Variants in NEDD4L observed in about 807,000 individuals in gnomAD.
The protein encoded by NEDD4L is E3 ubiquitin-protein ligase NEDD4-like.
A neutral mutation model predicts 148.9 loss-of-function variants in NEDD4L; 54 were observed. The ratio of observed to expected loss-of-function variants is 0.36; its 90% CI spans 0.29 to 0.45. The LOEUF (loss-of-function observed/expected upper bound fraction) is 0.45. Among genes scored for constraint, NEDD4L ranks in the 20% least tolerant of loss-of-function variants. NEDD4L has a pLI of 1.00. For missense variants in NEDD4L, 856 were observed against 1,233.8 expected, an observed-to-expected ratio of 0.69 and a Z score of 4.59; for synonymous variants, 433 against 440.7, an observed-to-expected ratio of 0.98 and a Z score of 0.22.
At chr18:58,148,175 T>TG (rs2034307247) in intron 1 of NEDD4L, among the ~76,000 whole-genome samples, 1 of 152,064 alleles carries the variant, frequency 6.6e-6, no homozygotes, top group African/African-American at 2.4e-5. Context: ...TTTTTTTTTT[T>TG]TTCTTTTTGA....
rs544812760 is a variant in NEDD4L at position 58,098,965 on chromosome 18, G to T, written c.48+54257G>T. 4.6e-5 allele frequency among the ~76,000 whole-genome samples: 7 copies of T among 152,296 alleles called. No homozygotes were observed. The East Asian group carries it at 1.3e-3, about 29-fold the overall frequency. ...AGCAGATGTTCTCAGTGAGCACCAG[G>T]TCACTATTATTATGTTACTTGTCAT... On this transcript the variant is annotated intron_variant, in intron 1 of 30. Coordinates refer to ENST00000400345, the MANE Select transcript of NEDD4L (RefSeq NM_001144967.3).
chr18:58,382,717 C>T (rs1050305240), intron 24 of NEDD4L, among the ~76,000 whole-genome samples: 3 of 152,110 alleles, frequency 2.0e-5, no homozygotes, highest in Non-Finnish European at 2.9e-5. Flanking sequence ...GAGGAGAAGG[C>T]GTCCAATGCA....
intron 3 of NEDD4L, among the ~76,000 whole-genome samples, chr18:58,246,385 G>T (rs751856132): frequency 2.6e-5 from 4 of 152,062 alleles, no homozygotes; most frequent in Admixed American, 6.6e-5. Flanking sequence ...AGCTATACAT[G>T]TATGTATATA....
At chr18:58,377,939 T>G (rs1280360876) in intron 24 of NEDD4L, among the ~76,000 whole-genome samples, 1 of 152,148 alleles carries the variant, frequency 6.6e-6, no homozygotes, top group Non-Finnish European at 1.5e-5. Context: ...GAGACAGGAC[T>G]TCATCATATT....
chr18:58,315,956 C>CT (rs749840819), intron 5 of NEDD4L, 26 bp from the exon 6 acceptor site: 3 of 1,599,182 alleles, frequency 1.9e-6, no homozygotes, highest in Non-Finnish European at 2.6e-6. Context: ...AATGGAAACA[C>CT]TAACTCTTTG....
At chr18:58,276,638 A>C (rs528218996) in intron 5 of NEDD4L, among the ~76,000 whole-genome samples, 38 of 151,496 alleles carry the variant, frequency 2.5e-4, no homozygotes, top group Admixed American at 4.6e-4. Flanking sequence ...TAACTTTAAG[A>C]TCTTTGTAAA....
At chr18:58,301,449 G>A (rs576099895) in intron 5 of NEDD4L, among the ~76,000 whole-genome samples, 1 of 152,256 alleles carries the variant, frequency 6.6e-6, no homozygotes, top group East Asian at 1.9e-4. Context: ...CACTCTCTCT[G>A]GTTTTCTTTC....
intron 24 of NEDD4L, among the ~76,000 whole-genome samples, 154 bp from the exon 25 acceptor site, chr18:58,383,092 C>T (rs1368282205): frequency 6.6e-6 from 1 of 152,146 alleles, no homozygotes; most frequent in Non-Finnish European, 1.5e-5. Flanking sequence ...AGCAAAAAAG[C>T]CTCATTGGAC....
In NEDD4L at chr18:58,367,730, T is replaced by G; in HGVS notation, c.2064-16T>G. On this transcript the variant is annotated splice_polypyrimidine_tract_variant and intron_variant, in intron 21 of 30. Coordinates refer to ENST00000400345, the MANE Select transcript of NEDD4L (RefSeq NM_001144967.3). The stretch of plus-strand genomic sequence containing the variant: ...TGAAAGTGTGATTGGGCTTTTCTTC[T>G]CTTTCTCCTCAAAAGGGACAACTAC... The G allele has an allele frequency of 6.2e-7, 1 of 1,612,334 alleles. No individual in the cohort carries two copies. The highest frequency in any genetic ancestry group is 8.5e-7 in the Non-Finnish European group (1 of 1,179,434).
chr18:58,233,656 A>AT (rs1473471478), intron 2 of NEDD4L, among the ~76,000 whole-genome samples: 4 of 152,138 alleles, frequency 2.6e-5, no homozygotes, highest in African/African-American at 4.8e-5. Context: ...TCTGTAACAC[A>AT]TTTTTTCCCA....
In NEDD4L at chr18:58,256,362, G is replaced by A; in HGVS notation, c.297+4308G>A. ...GCTTCTGGAAGCTCTGGGAAGCGGT[G>A]TTTTGTCTTCCAGTTGCAGCAGCCC... On this transcript the variant is annotated intron_variant, in intron 5 of 30. Coordinates refer to ENST00000400345, the MANE Select transcript of NEDD4L (RefSeq NM_001144967.3). This position sits in a 1 kb window ranked among gnomAD's most constrained non-coding sequence, Gnocchi z 5.2. The A allele has an allele frequency of 8.1e-7, 1 of 1,232,278 alleles. No homozygotes were observed. The highest frequency in any genetic ancestry group is 1.0e-6 in the Non-Finnish European group (1 of 988,046). The allele number at this position is 1,232,278 out of a possible 1,614,324, so 76.3% of individuals were successfully genotyped here. A position where few individuals can be genotyped will look rare whatever the true frequency, so the allele number is the denominator to read the frequency against.
At chr18:58,157,200 A>T (rs918658838) in intron 1 of NEDD4L, among the ~76,000 whole-genome samples, 5 of 151,852 alleles carry the variant, frequency 3.3e-5, no homozygotes, top group Admixed American at 6.6e-5. Context: ...AAAAAAAAAA[A>T]AAGAAAAATA....
At chr18:58,226,731 G>A (rs1387782238) in intron 2 of NEDD4L, among the ~76,000 whole-genome samples, 1 of 152,182 alleles carries the variant, frequency 6.6e-6, no homozygotes, top group Non-Finnish European at 1.5e-5. Context: ...GCTAGAGGGT[G>A]TACAAACCTC....
At chr18:58,364,763 T>C (rs2045904820) in intron 20 of NEDD4L, among the ~76,000 whole-genome samples, 3 of 152,240 alleles carry the variant, frequency 2.0e-5, no homozygotes, top group African/African-American at 7.2e-5. Flanking sequence ...ATTTATAATA[T>C]AGTGTTATAT....
chr18:58,310,295 A>C (rs1243032461), intron 5 of NEDD4L, among the ~76,000 whole-genome samples: 1 of 152,220 alleles, frequency 6.6e-6, no homozygotes, highest in Non-Finnish European at 1.5e-5. Context: ...CTTACTGTGT[A>C]TAACTGAATG....
intron 5 of NEDD4L, among the ~76,000 whole-genome samples, chr18:58,304,972 G>T (rs1464639099): frequency 6.6e-6 from 1 of 152,148 alleles, no homozygotes; most frequent in Non-Finnish European, 1.5e-5. Context: ...CCTGTGCTTT[G>T]TGCACCTGTG....
chr18:58,221,768 A>G, intron 2 of NEDD4L: 1 of 964,568 alleles, frequency 1.0e-6, no homozygotes, highest in Non-Finnish European at 1.2e-6. Context: ...GTAAGAACAA[A>G]GACACCACTG....
intron 5 of NEDD4L, among the ~76,000 whole-genome samples, chr18:58,308,969 G>A (rs572311806): frequency 9.9e-5 from 15 of 152,222 alleles, no homozygotes; most frequent in South Asian, 2.1e-4. Flanking sequence ...CTGCACCCTC[G>A]TGGTGCTCAA....
intron 25 of NEDD4L, 54 bp downstream of exon 25, chr18:58,383,373 G>A (rs2048590813): frequency 1.0e-6 from 1 of 998,214 alleles, no homozygotes; most frequent in Non-Finnish European, 1.5e-6. Flanking sequence ...ATGCATGTTT[G>A]GTCACTGTCC....
Sources: allele counts gnomAD v4.1 joint callset (sites outside exome capture counted in the v4.1 genomes callset), GRCh38; gene constraint gnomAD v4.1.1; non-coding constraint Gnocchi (gnomAD v3.1); transcripts MANE v1.5; gene names NCBI Gene and HGNC (gene_info 2026-07-23, HGNC 2026-07-21).